The following ZMIZ1 variants were observed in gnomAD, a reference collection of about 807,000 sequenced individuals.
ZMIZ1 encodes zinc finger MIZ domain-containing protein 1.
In ZMIZ1, 17 loss-of-function variants were observed where a neutral mutation model predicts 113.9. That is an observed-to-expected ratio of 0.15 (90% CI 0.10 to 0.22). The LOEUF is 0.22. Among genes scored for constraint, ZMIZ1 ranks in the 10% least tolerant of loss-of-function variants. The pLI, the probability that ZMIZ1 is intolerant of heterozygous loss-of-function variation, is 1.00. For synonymous variants in ZMIZ1, 607 were observed against 603.1 expected, an observed-to-expected ratio of 1.01 and a Z score of -0.09; for missense variants, 1,059 against 1,477.8, an observed-to-expected ratio of 0.72 and a Z score of 4.65.
intron 7 of ZMIZ1, among the ~76,000 whole-genome samples, chr10:79,246,451 C>T (rs560577036): frequency 2.0e-5 from 3 of 151,972 alleles, no homozygotes; most frequent in Admixed American, 2.0e-4. Context: ...TTACCTTGAG[C>T]GATGCGGCAT....
At chr10:79,122,150 C>T (rs575606670) in intron 2 of ZMIZ1, among the ~76,000 whole-genome samples, 51 of 152,188 alleles carry the variant, frequency 3.4e-4, no homozygotes, top group African/African-American at 1.1e-3. Context: ...ACTGAGTTCA[C>T]GTGCAGGCGC....
chr10:79,273,560 A>G (rs1456027526), intron 7 of ZMIZ1, among the ~76,000 whole-genome samples: 2 of 152,060 alleles, frequency 1.3e-5, no homozygotes, highest in Admixed American at 1.3e-4. Flanking sequence ...ATTTCATTAT[A>G]TTGGCAAGGT....
intron 4 of ZMIZ1, among the ~76,000 whole-genome samples, chr10:79,177,955 G>T (rs996976840): frequency 1.3e-5 from 2 of 152,136 alleles, no homozygotes; most frequent in Non-Finnish European, 2.9e-5. Context: ...TCACGAGGAG[G>T]CTTCAGAGTC....
intron 24 of ZMIZ1, among the ~76,000 whole-genome samples, chr10:79,311,861 G>T (rs1323019588): frequency 3.3e-5 from 5 of 151,800 alleles, no homozygotes; most frequent in African/African-American, 1.2e-4. Context: ...CCCCGCCCAT[G>T]CCTACACAGA....
Position 79,218,117 on chromosome 10 carries a change from G to A in ZMIZ1, c.280+1843G>A, listed in dbSNP as rs578085790. 5.9e-5 allele frequency among the ~76,000 whole-genome samples: 9 copies of A among 152,290 alleles called. No homozygotes were observed. In the East Asian group the frequency reaches 1.7e-3, roughly 29 times the overall value. On this transcript the variant is annotated intron_variant, in intron 7 of 24. Transcript: ENST00000334512. ...CCAGACAGGGGCTTTTGGGGGCTCT[G>A]TGAAAGCTGCCATAGATAGTACATA...
intron 7 of ZMIZ1, among the ~76,000 whole-genome samples, chr10:79,251,888 GC>G (rs773692838): frequency 2.0e-4 from 30 of 152,290 alleles, no homozygotes; most frequent in Non-Finnish European, 4.1e-4. Context: ...ACAGAGAAAC[GC>G]CCTATCCCCA....
intron 7 of ZMIZ1, among the ~76,000 whole-genome samples, chr10:79,275,778 C>G (rs968480885): frequency 1.3e-5 from 2 of 152,222 alleles, no homozygotes; most frequent in African/African-American, 4.8e-5. Context: ...CTGTCTCTGT[C>G]CCTGCTGACT....
intron 1 of ZMIZ1, among the ~76,000 whole-genome samples, chr10:79,079,245 C>T (rs1030577882): frequency 1.4e-4 from 21 of 152,246 alleles, no homozygotes; most frequent in African/African-American, 4.8e-4. Context: ...CAGAGTTTTG[C>T]TGGCTGTCAG....
At chr10:79,308,704 T>C (rs1854901906) in intron 23 of ZMIZ1, among the ~76,000 whole-genome samples, 2 of 152,170 alleles carry the variant, frequency 1.3e-5, no homozygotes, top group South Asian at 4.1e-4. Context: ...CTCTGCCCCA[T>C]GGGGCTTGTG....
intron 7 of ZMIZ1, among the ~76,000 whole-genome samples, chr10:79,232,030 A>G (rs537078932): frequency 7.2e-5 from 11 of 152,172 alleles, no homozygotes; most frequent in African/African-American, 2.4e-4. Flanking sequence ...GTTTTTGGAG[A>G]ATCTAGTGGA....
chr10:79,243,100 C>T (rs1447168353), intron 7 of ZMIZ1, among the ~76,000 whole-genome samples: 1 of 151,124 alleles, frequency 6.6e-6, no homozygotes, highest in East Asian at 2.0e-4. Flanking sequence ...TCCTCCCGCG[C>T]TCCTCCTCCT....
chr10:79,230,616 A>G (rs955328117), intron 7 of ZMIZ1, among the ~76,000 whole-genome samples: 9 of 152,266 alleles, frequency 5.9e-5, no homozygotes, highest in Admixed American at 3.3e-4. Flanking sequence ...CTCAGAAGAG[A>G]GAAAATGGGA....
chr10:79,172,569 A>G (rs1030919364), intron 4 of ZMIZ1, among the ~76,000 whole-genome samples: 2 of 152,220 alleles, frequency 1.3e-5, no homozygotes, highest in African/African-American at 4.8e-5. Context: ...AAGTTAGGAA[A>G]ATAGACAAAG....
intron 14 of ZMIZ1, among the ~76,000 whole-genome samples, 188 bp from the exon 15 acceptor site, chr10:79,298,218 G>A (rs924628903): frequency 2.0e-5 from 3 of 152,142 alleles, no homozygotes; most frequent in African/African-American, 7.2e-5. Context: ...AGGGTGGGGA[G>A]GCCCTTCCCA....
intron 8 of ZMIZ1, among the ~76,000 whole-genome samples, chr10:79,282,520 A>C (rs1206636755): frequency 6.6e-6 from 1 of 152,154 alleles, no homozygotes; most frequent in Non-Finnish European, 1.5e-5. Context: ...TCATATTTGG[A>C]GAGCTCGGGT....
At chr10:79,200,250 G>A (rs1396785697) in intron 4 of ZMIZ1, among the ~76,000 whole-genome samples, 2 of 152,216 alleles carry the variant, frequency 1.3e-5, no homozygotes, top group Non-Finnish European at 2.9e-5. Flanking sequence ...TCCACTGGGG[G>A]CAGGAGGGCA....
chr10:79,272,387 C>T (rs548142039), intron 7 of ZMIZ1, among the ~76,000 whole-genome samples: 37 of 152,334 alleles, frequency 2.4e-4, no homozygotes, highest in African/African-American at 8.2e-4. Flanking sequence ...CCTAAGGTCA[C>T]GTAGGTGTGA....
chr10:79,079,921 T>A (rs529130069), intron 1 of ZMIZ1, among the ~76,000 whole-genome samples: 1 of 152,326 alleles, frequency 6.6e-6, no homozygotes, highest in Admixed American at 6.5e-5. Context: ...GGTTCATGGT[T>A]CCTCTTCGGG....
chr10:79,175,514 G>C (rs970996913), intron 4 of ZMIZ1, among the ~76,000 whole-genome samples: 1 of 149,810 alleles, frequency 6.7e-6, no homozygotes, highest in Non-Finnish European at 1.5e-5. Context: ...CCTCTCTATC[G>C]CTGGGTTGGG....
Sources: allele counts gnomAD v4.1 joint callset (sites outside exome capture counted in the v4.1 genomes callset), GRCh38; gene constraint gnomAD v4.1.1; transcripts MANE v1.5; gene names NCBI Gene and HGNC (gene_info 2026-07-23, HGNC 2026-07-21).